The following CBL variants were observed in gnomAD, a reference collection of about 807,000 sequenced individuals.
CBL encodes E3 ubiquitin-protein ligase CBL.
CBL carries 45 observed loss-of-function variants against 96.9 expected under a neutral mutation model. The observed-to-expected ratio is 0.46, with a 90% CI of 0.37 to 0.60. The LOEUF is 0.60. Among genes scored for constraint, CBL ranks in the 20% least tolerant of loss-of-function variants. CBL has a pLI of 0.00. For synonymous variants in CBL, 420 were observed against 426.8 expected, an observed-to-expected ratio of 0.98 and a Z score of 0.20; for missense variants, 1,024 against 1,143.5, an observed-to-expected ratio of 0.90 and a Z score of 1.51.
intron 2 of CBL, among the ~76,000 whole-genome samples, chr11:119,238,666 C>G (rs1949563272): frequency 1.3e-5 from 2 of 152,016 alleles, no homozygotes; most frequent in Non-Finnish European, 2.9e-5. Context: ...CCCGTCTCTA[C>G]TAAAAATACA....
chr11:119,214,500 C>T lies in CBL; in HGVS notation c.195+7888C>T, dbSNP rs149892440. Reference sequence around the variant, plus strand: ...CTGGCCTCAAGTGACTCGCCCACTGCGACCTCCCAAAGTACTGGGATTACA... The same window carrying T: ...CTGGCCTCAAGTGACTCGCCCACTGTGACCTCCCAAAGTACTGGGATTACA... On this transcript the variant is annotated intron_variant, in intron 1 of 15. Transcript: ENST00000264033. Among the ~76,000 whole-genome samples, 477 of 152,226 alleles carry T rather than the reference C, an allele frequency of 3.1e-3. 1 individual carries two copies. The highest frequency in any genetic ancestry group is 5.4e-3 in the Non-Finnish European group (369 of 68,024).
rs775092919 is a variant in CBL, at chr11:119,299,529, T to C, written c.2469T>C (p.Pro823=). The C allele has an allele frequency of 2.5e-6, 4 of 1,614,036 alleles. No individual in the cohort carries two copies. The highest frequency in any genetic ancestry group is 3.4e-6 in the Non-Finnish European group (4 of 1,180,026). Residue 823 remains proline, a synonymous_variant, in exon 16 of 16, where the codon CCT becomes CCC. Transcript: ENST00000264033. ...AAGGTTCCCAAGTTCCCGAGAGGCC[T>C]CCAAAACCATTCCCGCGGAGAATCA... ...VTEGSQVPER[P]PKPFPRRINS...
intron 5 of CBL, 68 bp downstream of exon 5, chr11:119,275,021 G>A: frequency 6.4e-7 from 1 of 1,554,000 alleles, no homozygotes; most frequent in Non-Finnish European, 8.9e-7. Flanking sequence ...TGCTAGTATA[G>A]AAGAAACATG....
intron 1 of CBL, among the ~76,000 whole-genome samples, chr11:119,218,677 C>T (rs1192483492): frequency 1.3e-5 from 2 of 152,104 alleles, no homozygotes; most frequent in African/African-American, 4.8e-5. Context: ...ACCGGTTAGT[C>T]ACCTAGTAGT....
In CBL at chr11:119,287,927, A is replaced by G. The variant is rs1439055502; in HGVS notation, c.2017A>G (p.Ile673Val). Residue 673 changes from isoleucine to valine, a missense_variant, in exon 12 of 16, where the codon ATT (isoleucine) becomes GTT (valine). Ile to Val is a conservative substitution (Grantham distance 29). Around this residue, in one of 4 missense-constraint regions of CBL, gnomAD observed 695 missense variants for 661.6 expected, o/e 1.05. Transcript: ENST00000264033. ...KIKPSSSANAIYSLAARPLPV... is the reference protein window; with the variant it reads ...KIKPSSSANAVYSLAARPLPV... ...CAAACCTTCCTCATCTGCCAATGCC[A>G]TTTATTCTCTGGCTGCCAGGTAAGT... 4 of 1,612,652 alleles carry G rather than the reference A, an allele frequency of 2.5e-6. No individual in the cohort carries two copies. Among genetic ancestry groups the G allele is most frequent in the Non-Finnish European group, 2.5e-6 (3 of 1,178,638 alleles).
At chr11:119,206,680 G>T in intron 1 of CBL, 68 bp downstream of exon 1, 3 of 1,472,444 alleles carry the variant, frequency 2.0e-6, no homozygotes, top group Non-Finnish European at 2.7e-6. Flanking sequence ...GGAGGGGAAC[G>T]AGCGGACGGA....
intron 3 of CBL, among the ~76,000 whole-genome samples, chr11:119,272,372 G>A (rs896668350): frequency 1.3e-5 from 2 of 152,146 alleles, no homozygotes; most frequent in East Asian, 3.8e-4. Context: ...CACCTGCTTC[G>A]GCATCCCAAA....
intron 2 of CBL, among the ~76,000 whole-genome samples, chr11:119,259,549 G>A (rs1949737428): frequency 2.6e-5 from 4 of 152,182 alleles, no homozygotes; most frequent in South Asian, 4.1e-4. Context: ...CTTTTGCATA[G>A]GGGCTCTAAT....
intron 12 of CBL, among the ~76,000 whole-genome samples, chr11:119,294,837 G>A (rs901651749): frequency 6.9e-6 from 1 of 145,786 alleles, no homozygotes; most frequent in African/African-American, 2.6e-5. Flanking sequence ...AAGCAACACT[G>A]AAGAAATAAA....
intron 12 of CBL, among the ~76,000 whole-genome samples, chr11:119,292,884 A>G (rs1293768179): frequency 4.6e-5 from 7 of 152,172 alleles, no homozygotes; most frequent in Admixed American, 4.6e-4. Context: ...AGATGGGGTT[A>G]TGTCCCAGTA....
chr11:119,268,172 G>A (rs922077260), intron 2 of CBL, among the ~76,000 whole-genome samples: 14 of 152,250 alleles, frequency 9.2e-5, no homozygotes, highest in Middle Eastern at 3.4e-3. Context: ...AAAATTGATT[G>A]TTTATTTTTT....
chr11:119,299,782 C>T lies in CBL; in HGVS notation c.*1C>T. The T allele has an allele frequency of 6.2e-7, 1 of 1,613,906 alleles. No individual in the cohort carries two copies. Among genetic ancestry groups the T allele is most frequent in the Non-Finnish European group, 8.5e-7 (1 of 1,179,924 alleles). ...TTCTCCTGCCCATGTAGCTACCTAG[C>T]ACACCATCTCCCTGCTGCAGGTTTA... On this transcript the variant is annotated 3_prime_UTR_variant, in exon 16 of 16. Coordinates refer to ENST00000264033, the MANE Select transcript of CBL (RefSeq NM_005188.4).
chr11:119,217,819 C>G (rs1051139029), intron 1 of CBL, among the ~76,000 whole-genome samples: 4 of 151,884 alleles, frequency 2.6e-5, no homozygotes, highest in African/African-American at 9.7e-5. Context: ...ACCTGTAATC[C>G]CAGCACTTTG....
chr11:119,300,560 A>G lies in CBL; in HGVS notation c.*779A>G, dbSNP rs1218777801. Reference sequence around the variant, plus strand: ...GGAGGAAAAGTACTGTTGCTACACTATTATAGGCATGTTTGATACTAGCAG... The same window carrying G: ...GGAGGAAAAGTACTGTTGCTACACTGTTATAGGCATGTTTGATACTAGCAG... On this transcript the variant is annotated 3_prime_UTR_variant, in exon 16 of 16. Coordinates refer to ENST00000264033, the MANE Select transcript of CBL (RefSeq NM_005188.4). The G allele has an allele frequency of 5.0e-6, 2 of 399,512 alleles. No homozygotes were observed. The highest frequency in any genetic ancestry group is 8.8e-5 in the Admixed American group (2 of 22,808). 24.7% of individuals were successfully genotyped at this position (399,512 alleles called of 1,614,324 possible).
intron 1 of CBL, among the ~76,000 whole-genome samples, chr11:119,211,159 G>A (rs1049638436): frequency 1.3e-5 from 2 of 152,084 alleles, no homozygotes; most frequent in African/African-American, 2.4e-5. Context: ...ATCATCTGAG[G>A]TCAGGAGTTC....
At chr11:119,225,049 G>GGTGTGTGTGT (rs143591231) in intron 1 of CBL, among the ~76,000 whole-genome samples, 1 of 148,892 alleles carries the variant, frequency 6.7e-6, no homozygotes, top group African/African-American at 2.5e-5. Flanking sequence ...AACTCTTTGG[G>GGTGTGTGTGT]GTGTGTGTGT....
At chr11:119,289,524 G>A (rs1950009411) in intron 12 of CBL, 1 of 149,054 alleles carries the variant, frequency 6.7e-6, no homozygotes, top group Non-Finnish European at 1.5e-5. Flanking sequence ...CATAACCTCT[G>A]TATTATACCA....
intron 1 of CBL, among the ~76,000 whole-genome samples, chr11:119,221,528 G>A (rs974045328): frequency 6.6e-6 from 1 of 152,096 alleles, no homozygotes; most frequent in Non-Finnish European, 1.5e-5. Flanking sequence ...AGCACTTTGG[G>A]AGGCCAAGGT....
At chr11:119,236,629 A>G (rs1029882685) in intron 2 of CBL, among the ~76,000 whole-genome samples, 3 of 148,330 alleles carry the variant, frequency 2.0e-5, no homozygotes, top group African/African-American at 7.4e-5. Flanking sequence ...ATATACCCAT[A>G]GGAGTGGAAT....
Sources: gnomAD v4.1 joint callset for allele counts (sites outside exome capture counted in the v4.1 genomes callset) on GRCh38, gnomAD v4.1.1 for gene constraint, gnomAD v4.1.1 regional missense constraint, MANE v1.5 for transcripts, NCBI Gene and HGNC (gene_info 2026-07-23, HGNC 2026-07-21) for gene names.